The following CECR2 variants were observed in gnomAD, a reference collection of about 807,000 sequenced individuals.
The protein encoded by CECR2 is chromatin remodeling regulator CECR2.
Under a neutral mutation model 154.5 loss-of-function variants are expected in CECR2, and 30 were observed. The ratio of observed to expected loss-of-function variants is 0.19; its 90% confidence interval spans 0.15 to 0.26. The LOEUF is 0.26. Among genes scored for constraint, CECR2 ranks in the 10% least tolerant of loss-of-function variants. The pLI, the probability that CECR2 is intolerant of heterozygous loss-of-function variation, is 1.00. For synonymous variants in CECR2, 725 were observed against 683.7 expected, an observed-to-expected ratio of 1.06 and a Z score of -0.94; for missense variants, 1,743 against 1,829.3, an observed-to-expected ratio of 0.95 and a Z score of 0.86.
upstream of CECR2, among the ~76,000 whole-genome samples, chr22:17,365,469 C>T (rs573834435): frequency 2.0e-5 from 3 of 152,100 alleles, no homozygotes; most frequent in Non-Finnish European, 4.4e-5. Context: ...CCAAGGTGGG[C>T]GGATCACGAG....
rs2056551038 is a variant in CECR2 at position 17,542,840 on chromosome 22, T to A, written c.2697T>A (p.Gly899=). The part of the protein sequence containing the change: ...QQLSSRVCPP[G]VPYHPHQPAH... ...TCTCCTCCCGCGTCTGCCCCCCAGGTGTGCCTTACCACCCCCACCAGCCTG... is the reference window on the plus strand; with the variant it reads ...TCTCCTCCCGCGTCTGCCCCCCAGGAGTGCCTTACCACCCCCACCAGCCTG... The change falls in exon 16 of 19, where the codon GGT becomes GGA. Residue 899 remains glycine, a synonymous_variant. Coordinates refer to ENST00000262608, the MANE Select transcript of CECR2 (RefSeq NM_001290047.2). 3 of 1,613,682 alleles carry A rather than the reference T, an allele frequency of 1.9e-6. No individual in the cohort carries two copies. The highest frequency in any genetic ancestry group is 2.5e-6 in the Non-Finnish European group (3 of 1,179,762).
intron 2 of CECR2, among the ~76,000 whole-genome samples, chr22:17,495,205 A>C (rs2055601303): frequency 6.6e-6 from 1 of 152,196 alleles, no homozygotes. Flanking sequence ...CTTGATTCTT[A>C]ATAGTTGAGA....
chr22:17,502,524 C>T (rs2055757271), intron 5 of CECR2, among the ~76,000 whole-genome samples: 1 of 152,200 alleles, frequency 6.6e-6, no homozygotes, highest in Non-Finnish European at 1.5e-5. Flanking sequence ...TGTTTTCTGG[C>T]TGGGCACGGT....
chr22:17,491,907 C>T (rs1048426748), intron 2 of CECR2, among the ~76,000 whole-genome samples: 1 of 152,052 alleles, frequency 6.6e-6, no homozygotes, highest in Non-Finnish European at 1.5e-5. Flanking sequence ...TTGAAATAAC[C>T]ATGATTTTAA....
intron 1 of CECR2, among the ~76,000 whole-genome samples, chr22:17,430,416 A>G (rs1375080299): frequency 6.6e-6 from 1 of 151,930 alleles, no homozygotes; most frequent in Non-Finnish European, 1.5e-5. Flanking sequence ...TCTACCCCCT[A>G]ATTCTTCAAG....
intron 5 of CECR2, among the ~76,000 whole-genome samples, chr22:17,502,839 C>G (rs2055763736): frequency 6.6e-6 from 1 of 152,120 alleles, no homozygotes; most frequent in Non-Finnish European, 1.5e-5. Flanking sequence ...TTACTGTTTT[C>G]TTATGCATTG....
intron 1 of CECR2, among the ~76,000 whole-genome samples, chr22:17,385,707 G>T (rs1025635693): frequency 2.6e-5 from 4 of 152,142 alleles, no homozygotes; most frequent in African/African-American, 9.7e-5. Context: ...TGGAAAAATG[G>T]CCCTGATAGA....
intron 8 of CECR2, chr22:17,518,648 T>C (rs1164117416): frequency 4.5e-6 from 2 of 441,784 alleles, no homozygotes; most frequent in East Asian, 1.5e-4. Context: ...GCACACAGAT[T>C]GAATTTGCTG....
At chr22:17,378,140 C>T (rs1184835177) in intron 1 of CECR2, among the ~76,000 whole-genome samples, 9 of 151,328 alleles carry the variant, frequency 5.9e-5, no homozygotes, top group Admixed American at 1.3e-4. Context: ...CCCACCACCA[C>T]GCCCGGCTAA....
At position 17,422,095 on chromosome 22, in the gene CECR2, G is replaced by GT. The variant is rs200917462; in HGVS notation, c.126+52195dup. ...AATTCTTATCGTCTATAGAGAAGGT[G>GT]TTTTTTTTTCCCCCCTCTGGCCTCT... On this transcript the variant is annotated intron_variant, in intron 1 of 18. Transcript: ENST00000262608. 1.7e-3 allele frequency among the ~76,000 whole-genome samples: 259 copies of GT among 150,734 alleles called. 6 individuals carry two copies. The East Asian group carries it at 0.044, about 26-fold the overall frequency.
chr22:17,493,621 T>G (rs2055569612), intron 2 of CECR2, among the ~76,000 whole-genome samples: 1 of 152,198 alleles, frequency 6.6e-6, no homozygotes, highest in African/African-American at 2.4e-5. Context: ...GGCATGGAGA[T>G]AGATGCCTTA....
intron 1 of CECR2, among the ~76,000 whole-genome samples, chr22:17,442,690 G>C (rs1317356135): frequency 1.3e-5 from 2 of 152,090 alleles, no homozygotes; most frequent in African/African-American, 4.8e-5. Context: ...TGGGATTACA[G>C]GCGCCCGCCA....
At chr22:17,445,993 G>A (rs1343566769) in intron 1 of CECR2, among the ~76,000 whole-genome samples, 1 of 152,160 alleles carries the variant, frequency 6.6e-6, no homozygotes, top group Admixed American at 6.5e-5. Context: ...AATGTTTTCT[G>A]TTCATGGTTG....
intron 1 of CECR2, among the ~76,000 whole-genome samples, chr22:17,402,722 ATCTTT>A (rs1449574430): frequency 1.3e-5 from 2 of 149,524 alleles, no homozygotes; most frequent in Non-Finnish European, 3.0e-5. Flanking sequence ...CAGTTTCCCA[ATCTTT>A]TCTTTTCTTT....
intron 1 of CECR2, chr22:17,419,783 G>T: frequency 3.4e-6 from 1 of 295,200 alleles, no homozygotes; most frequent in South Asian, 7.3e-5. Flanking sequence ...ATAACAGAGA[G>T]GCATTGGTCA....
intron 9 of CECR2, among the ~76,000 whole-genome samples, chr22:17,528,203 C>G (rs1433647447): frequency 6.6e-6 from 1 of 152,178 alleles, no homozygotes; most frequent in Non-Finnish European, 1.5e-5. Context: ...GGTACTGATA[C>G]ACAAGGGAGT....
At chr22:17,516,090 C>T (rs1000163660) in intron 8 of CECR2, among the ~76,000 whole-genome samples, 1 of 152,020 alleles carries the variant, frequency 6.6e-6, no homozygotes, top group Non-Finnish European at 1.5e-5. Context: ...GTGACTTCTT[C>T]GTGTAAAGGT....
chr22:17,538,446 TGCGATAGACCTGAGAGAGCTCAGGA>T, intron 10 of CECR2, 49 bp from the exon 11 acceptor site: 1 of 1,321,474 alleles, frequency 7.6e-7, no homozygotes, highest in Non-Finnish European at 1.1e-6. Flanking sequence ...CAGGTGTGTC[TGCGATAGACCTGAGAGAGCTCAGGA>T]GAGAAGGTGG....
chr22:17,386,700 G>T (rs1173451260), intron 1 of CECR2, among the ~76,000 whole-genome samples: 1 of 149,588 alleles, frequency 6.7e-6, no homozygotes, highest in African/African-American at 2.5e-5. Context: ...GTCCAGGCTC[G>T]AGTGCAATGG....
Sources: allele counts gnomAD v4.1 joint callset (sites outside exome capture counted in the v4.1 genomes callset), GRCh38; gene constraint gnomAD v4.1.1; transcripts MANE v1.5; gene names NCBI Gene and HGNC (gene_info 2026-07-23, HGNC 2026-07-21).